PNMA5: variants seen among roughly 807,000 people sequenced by gnomAD.
PNMA5 encodes the protein PNMA family member 5.
For synonymous variants in PNMA5, 138 were observed against 137.9 expected, an observed-to-expected ratio of 1.00 and a Z score of 0.00; for missense variants, 334 against 356.6, an observed-to-expected ratio of 0.94 and a Z score of 0.51.
intron 1 of PNMA5, among the ~76,000 whole-genome samples, chrX:152,993,532 T>C (rs1039798255): frequency 8.9e-6 from 1 of 111,858 alleles, no homozygotes; most frequent in Non-Finnish European, 1.9e-5. Flanking sequence ...AAGGGTGGAA[T>C]AGGTCTCCCT....
chrX:152,990,139 G>C lies in PNMA5; in HGVS notation c.*113C>G. On this transcript the variant is annotated 3_prime_UTR_variant, in exon 4 of 4. Transcript: ENST00000535214. Reference sequence around the variant, plus strand: ...AGTAAGGGGGCTTGATCTCGACCTGGCTTCCCTGTCCCTCTGCCCCAGTCA... The same window carrying C: ...AGTAAGGGGGCTTGATCTCGACCTGCCTTCCCTGTCCCTCTGCCCCAGTCA... The C allele has an allele frequency of 9.8e-7, 1 of 1,025,521 alleles. No homozygotes were observed. Among genetic ancestry groups the C allele is most frequent in the Non-Finnish European group, 1.3e-6 (1 of 799,870 alleles). The allele number at this position is 1,025,521 out of a possible 1,213,427, so 84.5% of individuals were successfully genotyped here.
Position 152,989,919 on chromosome X carries a change from G to T in PNMA5, c.*333C>A, listed in dbSNP as rs1603341394. 3 of 214,305 alleles carry T rather than the reference G, an allele frequency of 1.4e-5. No homozygotes were observed. The highest frequency in any genetic ancestry group is 1.6e-4 in the East Asian group (2 of 12,145). 17.7% of individuals were successfully genotyped at this position (214,305 alleles called of 1,213,427 possible). On this transcript the variant is annotated 3_prime_UTR_variant, in exon 4 of 4. Coordinates refer to ENST00000535214, the MANE Select transcript of PNMA5 (RefSeq NM_001184924.2). The stretch of plus-strand genomic sequence containing the variant: ...ATATTTGGGGGTGTCCAGAGGACCA[G>T]GCCAGAGCCCCCAGCCACACCTTCT...
Position 152,993,284 on chromosome X carries a change from A to C in PNMA5, c.-329-498T>G, listed in dbSNP as rs1381575537. Among the ~76,000 whole-genome samples the C allele has an allele frequency of 1.4e-4, 11 of 79,660 alleles. No homozygotes were observed. In the Admixed American group the frequency reaches 1.6e-3, roughly 12 times the overall value. 69.2% of individuals were successfully genotyped at this position (79,660 alleles called of 115,157 possible). A position where few individuals can be genotyped will look rare whatever the true frequency, so the allele number is the denominator to read the frequency against. On this transcript the variant is annotated intron_variant, in intron 1 of 3. Coordinates refer to ENST00000535214, the MANE Select transcript of PNMA5 (RefSeq NM_001184924.2). ...CCACCCACAGTCCAACTCCTACCCC[A>C]AGCCCTGCCCCCTCACCAAGTCCAA...
rs2050877775 is a variant in PNMA5, at chrX:152,989,458, G to A, written c.*794C>T. 1 of 109,956 alleles carries A rather than the reference G, an allele frequency of 9.1e-6. No individual in the cohort carries two copies. Among genetic ancestry groups the A allele is most frequent in the African/African-American group, 3.3e-5 (1 of 29,980 alleles). 9.1% of individuals were successfully genotyped at this position (109,956 alleles called of 1,213,427 possible). A position where few individuals can be genotyped will look rare whatever the true frequency, so the allele number is the denominator to read the frequency against. On this transcript the variant is annotated 3_prime_UTR_variant, in exon 4 of 4. Coordinates refer to ENST00000535214, the MANE Select transcript of PNMA5 (RefSeq NM_001184924.2). ...CGGAACAGCAGTGAGCAGAGCCCGGGCCTGATGATGACGCAAACCAAAAAC... is the reference window on the plus strand; with the variant it reads ...CGGAACAGCAGTGAGCAGAGCCCGGACCTGATGATGACGCAAACCAAAAAC...
At chrX:152,992,212 A>G (rs1424086583) in intron 2 of PNMA5, 2 of 112,227 alleles carry the variant, frequency 1.8e-5, no homozygotes, top group African/African-American at 6.5e-5. Flanking sequence ...GCGCAATGCA[A>G]TGAGAGTGGT....
rs56350208 is a variant in PNMA5 at position 152,990,435 on chromosome X, T to C, written c.1164A>G (p.Pro388=). The C allele has an allele frequency of 0.1, 119,342 of 1,162,409 alleles. 4,797 individuals are homozygous for C. Among genetic ancestry groups the C allele is most frequent in the Non-Finnish European group, 0.12 (103,266 of 875,424 alleles). ...CTAACAGCCGCCTGCGTTTCACTAA[T>C]GGGGGTAAGCCTCCCTGTATGGTCT... The part of the protein sequence containing the change: ...SPQTIQGGLP[P]LVKRRRLLGS... Residue 388 remains proline (P), a synonymous_variant, in exon 4 of 4, where the codon CCA becomes CCG. Coordinates refer to ENST00000535214, the MANE Select transcript of PNMA5 (RefSeq NM_001184924.2).
In PNMA5 at chrX:152,990,535, T is replaced by C; in HGVS notation, c.1064A>G (p.Gln355Arg). 8.3e-7 allele frequency: 1 copy of C among 1,203,541 alleles called. No homozygotes were observed. The highest frequency in any genetic ancestry group is 1.1e-6 in the Non-Finnish European group (1 of 892,212). ...SGRGRGASGRQARAEASVSAP... is the reference protein window; with the variant it reads ...SGRGRGASGRRARAEASVSAP... ...AGAGACACTGGCTTCTGCTCTTGCC[T>C]GTCTACCGGAGGCCCCCCGGCCTCT... Residue 355 changes from glutamine to arginine, a missense_variant, in exon 4 of 4, where the codon CAG becomes CGG. Transcript: ENST00000535214.
Position 152,991,218 on chromosome X carries a change from G to A in PNMA5, c.381C>T (p.Cys127=). ...MTDVARALGC[C]SLPAESLDAE... ...CATCCAGGCTCTCGGCAGGGAGGCTGCAACATCCCAGGGCTCTGGCCACAT... is the reference window on the plus strand; with the variant it reads ...CATCCAGGCTCTCGGCAGGGAGGCTACAACATCCCAGGGCTCTGGCCACAT... Residue 127 remains cysteine, a synonymous_variant, in exon 4 of 4, where the codon TGC becomes TGT. Coordinates refer to ENST00000535214, the MANE Select transcript of PNMA5 (RefSeq NM_001184924.2). 1 of 1,198,804 alleles carries A rather than the reference G, an allele frequency of 8.3e-7. No homozygotes were observed. Among genetic ancestry groups the A allele is most frequent in the South Asian group, 1.9e-5 (1 of 53,805 alleles).
chrX:152,989,989 C>A lies in PNMA5; in HGVS notation c.*263G>T. On this transcript the variant is annotated 3_prime_UTR_variant, in exon 4 of 4. Coordinates refer to ENST00000535214, the MANE Select transcript of PNMA5 (RefSeq NM_001184924.2). ...GGTCCCCATCTGAAGCCCAGGCACC[C>A]CATGTGCTAAGTGTAGTGGTTCCCC... is the stretch of plus-strand genomic sequence containing the variant. The A allele has an allele frequency of 3.0e-6, 1 of 337,566 alleles. No homozygotes were observed. Among genetic ancestry groups the A allele is most frequent in the South Asian group, 1.8e-4 (1 of 5,411 alleles). 27.8% of individuals were successfully genotyped at this position (337,566 alleles called of 1,213,427 possible). A position where few individuals can be genotyped will look rare whatever the true frequency, so the allele number is the denominator to read the frequency against.
intron 1 of PNMA5, among the ~76,000 whole-genome samples, chrX:152,993,563 T>TTTTTTA (rs1569521413): frequency 1.8e-5 from 2 of 111,788 alleles, no homozygotes; most frequent in African/African-American, 6.5e-5. Context: ...TGTTTTTCTC[T>TTTTTTA]GAAACGGAGT....
At position 152,991,003 on chromosome X, in the gene PNMA5, C is replaced by T. The variant is rs782716646; in HGVS notation, c.596G>A (p.Arg199His). ...AGGCCCACGTAAGCTCTCCAGCAAA[C>T]GCCGCCTCTTCTCCACCTCAGACAC... ...WQVSEVEKRR[R>H]LLESLRGPAL... The change falls in exon 4 of 4, where the codon CGT becomes CAT. Residue 199 changes from arginine (R) to histidine (H), a missense_variant. By Grantham distance (29) the Arg-to-His change is conservative (BLOSUM62 0). Transcript: ENST00000535214. 5.0e-6 allele frequency: 6 copies of T among 1,201,290 alleles called. No homozygotes were observed. Among genetic ancestry groups the T allele is most frequent in the South Asian group, 1.8e-5 (1 of 54,274 alleles).
In PNMA5 at chrX:152,990,070, T is replaced by C. The variant is rs1296166908; in HGVS notation, c.*182A>G. 3 of 794,651 alleles carry C rather than the reference T, an allele frequency of 3.8e-6. No homozygotes were observed. The highest frequency in any genetic ancestry group is 9.2e-5 in the Admixed American group (2 of 21,703). The allele number at this position is 794,651 out of a possible 1,213,427, so 65.5% of individuals were successfully genotyped here. On this transcript the variant is annotated 3_prime_UTR_variant, in exon 4 of 4. Coordinates refer to ENST00000535214, the MANE Select transcript of PNMA5 (RefSeq NM_001184924.2). ...TGGGCCCGGCCCCCACTGAACCAGA[T>C]GCTATTTGGTCTTGGTTGGTGAAGT...
chrX:152,992,406 G>T (rs1424124839), intron 2 of PNMA5, among the ~76,000 whole-genome samples: 2 of 112,320 alleles, frequency 1.8e-5, no homozygotes, highest in Non-Finnish European at 3.8e-5. Flanking sequence ...GAGAGGGAAG[G>T]CGAGATGGGC....
At position 152,990,384 on chromosome X, in the gene PNMA5, G is replaced by A. The variant is rs782663483; in HGVS notation, c.1215C>T (p.Asp405=). 3 of 1,174,460 alleles carry A rather than the reference G, an allele frequency of 2.6e-6. No individual in the cohort carries two copies. The highest frequency in any genetic ancestry group is 5.3e-5 in the Admixed American group (2 of 37,877). The part of the protein sequence containing the change: ...LLGSESTRGE[D]HGQATYPKAE... The stretch of plus-strand genomic sequence containing the variant: ...CCTTGGGATACGTGGCCTGGCCATG[G>A]TCTTCTCCCCTAGTGCTTTCACTGC... The change falls in exon 4 of 4, where the codon GAC becomes GAT. Residue 405 remains aspartate, a synonymous_variant. Coordinates refer to ENST00000535214, the MANE Select transcript of PNMA5 (RefSeq NM_001184924.2).
At chrX:152,992,896 G>A (rs1278412055) in intron 1 of PNMA5, 110 bp from the exon 2 acceptor site, 4 of 106,498 alleles carry the variant, frequency 3.8e-5, no homozygotes, top group African/African-American at 1.4e-4. Flanking sequence ...GGACCCTGGT[G>A]CAGGGATAGA....
chrX:152,990,957 C>A lies in PNMA5; in HGVS notation c.642G>T (p.Val214=). Residue 214 remains valine, a synonymous_variant, in exon 4 of 4, where the codon GTG becomes GTT. Transcript: ENST00000535214. The stretch of plus-strand genomic sequence containing the variant: ...TTATGGAGTCATTGTTGGCCTGGAG[C>A]ACCCGCATGATTGACAGAGCAGGCC... The part of the protein sequence containing the change: ...LRGPALSIMR[V]LQANNDSITV... 8.4e-7 allele frequency: 1 copy of A among 1,194,450 alleles called. No individual in the cohort carries two copies. The highest frequency in any genetic ancestry group is 1.1e-6 in the Non-Finnish European group (1 of 888,200).
At chrX:152,993,203 C>A (rs1020162030) in intron 1 of PNMA5, among the ~76,000 whole-genome samples, 4 of 109,179 alleles carry the variant, frequency 3.7e-5, no homozygotes, top group African/African-American at 1.3e-4. Flanking sequence ...CTTAGCCCCC[C>A]ACCAAGTCTA....
At position 152,991,295 on chromosome X, in the gene PNMA5, A is replaced by G; in HGVS notation, c.304T>C (p.Phe102Leu). 1 of 1,208,977 alleles carries G rather than the reference A, an allele frequency of 8.3e-7. No homozygotes were observed. The highest frequency in any genetic ancestry group is 1.1e-6 in the Non-Finnish European group (1 of 894,449). Residue 102 changes from phenylalanine (F) to leucine (L), a missense_variant, in exon 4 of 4, where the codon TTT becomes CTT. Coordinates refer to ENST00000535214, the MANE Select transcript of PNMA5 (RefSeq NM_001184924.2). ...VVKPRNPDDE[F>L]LSRLNYFLKD... Reference sequence around the variant, plus strand: ...AGGAAGTAGTTCAGTCTACTGAGAAACTCATCATCTGGGTTACGGGGTTTT... The same window carrying G: ...AGGAAGTAGTTCAGTCTACTGAGAAGCTCATCATCTGGGTTACGGGGTTTT...
At position 152,991,381 on chromosome X, in the gene PNMA5, AC is replaced by A. The variant is rs1264356824; in HGVS notation, c.217del (p.Val73SerfsTer21). On this transcript the variant is annotated frameshift_variant, in exon 4 of 4. Transcript: ENST00000535214. LOFTEE classifies it low-confidence loss of function (END_TRUNC). ...GTGACTGGGCAGAGTAGTGTAATTG[AC>A]AGTGTCAGCCAGTTCAATGAAGACT... ...KAVFIELADT[V>X]NYTTLPSHIP... 1 of 1,197,875 alleles carries A rather than the reference AC, an allele frequency of 8.3e-7. No individual in the cohort carries two copies. Among genetic ancestry groups the A allele is most frequent in the African/African-American group, 1.8e-5 (1 of 56,927 alleles).
Sources: gnomAD v4.1 joint callset for allele counts (sites outside exome capture counted in the v4.1 genomes callset) on GRCh38, gnomAD v4.1.1 for gene constraint, MANE v1.5 for transcripts, NCBI Gene and HGNC (gene_info 2026-07-23, HGNC 2026-07-21) for gene names.